Variants in SLC9A2 observed in about 807,000 individuals in gnomAD.
The protein encoded by SLC9A2 is sodium/hydrogen exchanger 2.
A neutral mutation model predicts 71.7 loss-of-function variants in SLC9A2; 42 were observed. The observed-to-expected ratio is 0.59, with a 90% CI of 0.46 to 0.76. SLC9A2 has a LOEUF of 0.76. SLC9A2 is among the 30% of genes least tolerant of loss of function. The pLI is 0.00. For missense variants in SLC9A2, 829 were observed against 1,017.4 expected (o/e 0.81, Z 2.52); for synonymous variants, 396 against 392.5 (o/e 1.01, Z -0.10).
At chr2:102,701,898 T>C (rs1167219118) in intron 8 of SLC9A2, among the ~76,000 whole-genome samples, 1 of 152,184 alleles carries the variant, frequency 6.6e-6, no homozygotes, top group Non-Finnish European at 1.5e-5. Context: ...GAAATTCTGA[T>C]ATTGGGTTTA....
At chr2:102,656,497 C>A (rs761061177) in intron 1 of SLC9A2, among the ~76,000 whole-genome samples, 1 of 152,106 alleles carries the variant, frequency 6.6e-6, no homozygotes, top group Non-Finnish European at 1.5e-5. Flanking sequence ...TAGAGTAAGT[C>A]GTAAATACAT....
intron 4 of SLC9A2, among the ~76,000 whole-genome samples, chr2:102,683,698 TTCC>T (rs561943853): frequency 4.5e-4 from 69 of 151,916 alleles, no homozygotes; most frequent in African/African-American, 1.6e-3. Flanking sequence ...TCTCATTTCC[TTCC>T]TCCTCTTCCC....
intron 1 of SLC9A2, among the ~76,000 whole-genome samples, chr2:102,651,796 C>G (rs1445635919): frequency 6.6e-6 from 1 of 152,210 alleles, no homozygotes. Context: ...TAATGAATGA[C>G]AAAAATGATT....
intron 2 of SLC9A2, among the ~76,000 whole-genome samples, chr2:102,660,867 T>C (rs115834061): frequency 0.01 from 1,539 of 152,210 alleles, 23 homozygotes; most frequent in African/African-American, 0.035. Context: ...AGAATAGAGG[T>C]TAATCGGAGA....
intron 1 of SLC9A2, among the ~76,000 whole-genome samples, chr2:102,651,702 C>T (rs1281652981): frequency 2.6e-5 from 4 of 152,190 alleles, no homozygotes; most frequent in Non-Finnish European, 4.4e-5. Context: ...TTTTCTATTT[C>T]CCACACTAGC....
chr2:102,626,665 T>C (rs796655089), intron 1 of SLC9A2, among the ~76,000 whole-genome samples: 23 of 152,210 alleles, frequency 1.5e-4, no homozygotes, highest in African/African-American at 5.5e-4. Flanking sequence ...ATTTTTGCAA[T>C]CTGCTCATCT....
In SLC9A2 at chr2:102,619,786, C is replaced by A; in HGVS notation, c.-63C>A. 7.1e-7 allele frequency: 1 copy of A among 1,400,144 alleles called. No individual in the cohort carries two copies. The highest frequency in any genetic ancestry group is 9.4e-7 in the Non-Finnish European group (1 of 1,065,732). The allele number at this position is 1,400,144 out of a possible 1,614,324, so 86.7% of individuals were successfully genotyped here. ...GGCGGAGCGGGCTGAGCAGCCCGGGCGCGATGCGTTGAGCGCTCGGAGGGC... is the reference window on the plus strand; with the variant it reads ...GGCGGAGCGGGCTGAGCAGCCCGGGAGCGATGCGTTGAGCGCTCGGAGGGC... On this transcript the variant is annotated 5_prime_UTR_variant, in exon 1 of 12. Coordinates refer to ENST00000233969, the MANE Select transcript of SLC9A2 (RefSeq NM_003048.6). This position sits in a 1 kb window ranked among gnomAD's most constrained non-coding sequence, Gnocchi z 4.3.
chr2:102,630,898 A>C (rs1184170928), intron 1 of SLC9A2, among the ~76,000 whole-genome samples: 1 of 151,900 alleles, frequency 6.6e-6, no homozygotes, highest in Non-Finnish European at 1.5e-5. Flanking sequence ...TATTTGTAAT[A>C]CTTGGGGTGC....
intron 1 of SLC9A2, among the ~76,000 whole-genome samples, chr2:102,630,381 A>G (rs1676334665): frequency 6.6e-6 from 1 of 151,936 alleles, no homozygotes; most frequent in Non-Finnish European, 1.5e-5. Flanking sequence ...CTCAGAATAT[A>G]TTACTTCAAT....
intron 3 of SLC9A2, among the ~76,000 whole-genome samples, chr2:102,682,773 G>T (rs942228288): frequency 3.3e-5 from 5 of 152,140 alleles, no homozygotes; most frequent in Admixed American, 2.6e-4. Flanking sequence ...CAATTATATG[G>T]CAGGGGGGCT....
rs139598382 is a variant in SLC9A2 at position 102,658,036 on chromosome 2, C to A, written c.753+9C>A. On this transcript the variant is annotated intron_variant, in intron 2 of 11. Transcript: ENST00000233969. ...ATGATGCAGTAACAGTGGTGAGTCA[C>A]ATTCACACTGCATGACTCCAACAGG... 896 of 1,580,712 alleles carry A rather than the reference C, an allele frequency of 5.7e-4. 5 individuals are homozygous for A. In the African/African-American group the frequency reaches 0.011, roughly 19 times the overall value.
intron 1 of SLC9A2, among the ~76,000 whole-genome samples, chr2:102,639,514 C>G (rs893706778): frequency 2.0e-5 from 3 of 152,188 alleles, no homozygotes; most frequent in African/African-American, 7.2e-5. Flanking sequence ...CAGCAGAGAT[C>G]CATTTAGCAG....
chr2:102,653,176 A>G (rs1676868294), intron 1 of SLC9A2, among the ~76,000 whole-genome samples: 1 of 152,202 alleles, frequency 6.6e-6, no homozygotes, highest in Non-Finnish European at 1.5e-5. Flanking sequence ...ATCTTGTGTG[A>G]CAGCCCTTCA....
intron 7 of SLC9A2, among the ~76,000 whole-genome samples, chr2:102,695,804 A>ATAT (rs1553429195): frequency 3.8e-4 from 34 of 90,228 alleles, no homozygotes; most frequent in Non-Finnish European, 6.4e-4. Context: ...TATATATTAT[A>ATAT]TATATATATA....
At chr2:102,697,565 G>C (rs950717153) in intron 7 of SLC9A2, 1 of 149,412 alleles carries the variant, frequency 6.7e-6, no homozygotes, top group African/African-American at 2.5e-5. Flanking sequence ...TTTTTTTCCA[G>C]GAAAATTTCA....
Position 102,710,238 on chromosome 2 carries a change from A to T in SLC9A2, c.*1749A>T, listed in dbSNP as rs969093289. 1.3e-5 allele frequency: 2 copies of T among 152,656 alleles called. No homozygotes were observed. The highest frequency in any genetic ancestry group is 2.9e-5 in the Non-Finnish European group (2 of 68,052). 9.5% of individuals were successfully genotyped at this position (152,656 alleles called of 1,614,324 possible). On this transcript the variant is annotated 3_prime_UTR_variant, in exon 12 of 12. Coordinates refer to ENST00000233969, the MANE Select transcript of SLC9A2 (RefSeq NM_003048.6). ...TTTAAATGAAAATATTTATATAAAA[A>T]TACATTTATTCTGCTTAACACAAAT...
At chr2:102,630,873 T>C (rs1676342329) in intron 1 of SLC9A2, among the ~76,000 whole-genome samples, 1 of 152,054 alleles carries the variant, frequency 6.6e-6, no homozygotes, top group Non-Finnish European at 1.5e-5. Context: ...TATAGTCTCT[T>C]TTGGATTGTT....
At chr2:102,650,092 G>A (rs973394165) in intron 1 of SLC9A2, among the ~76,000 whole-genome samples, 2 of 152,128 alleles carry the variant, frequency 1.3e-5, no homozygotes, top group Admixed American at 6.6e-5. Context: ...CAACGAGACT[G>A]GATAAAGAAA....
chr2:102,644,577 G>T (rs181318675), intron 1 of SLC9A2, among the ~76,000 whole-genome samples: 1 of 152,172 alleles, frequency 6.6e-6, no homozygotes, highest in South Asian at 2.1e-4. Flanking sequence ...TGAAATTCTT[G>T]CTGCCAGCAC....
Sources: gnomAD v4.1 joint callset for allele counts (sites outside exome capture counted in the v4.1 genomes callset) on GRCh38, gnomAD v4.1.1 for gene constraint, Gnocchi (gnomAD v3.1) non-coding constraint, MANE v1.5 for transcripts, NCBI Gene and HGNC (gene_info 2026-07-23, HGNC 2026-07-21) for gene names.